Variants in TRABD2B observed in about 807,000 individuals in gnomAD.
The protein encoded by TRABD2B is metalloprotease TIKI2.
Under a neutral mutation model 40.1 loss-of-function variants are expected in TRABD2B, and 14 were observed. The ratio of observed to expected loss-of-function variants is 0.35; its 90% CI spans 0.23 to 0.55. The LOEUF is 0.55. Among genes scored for constraint, TRABD2B ranks in the 20% least tolerant of loss-of-function variants. The probability of loss-of-function intolerance (pLI) is 0.90; values close to 1 mark genes in which losing one functional copy is unlikely to be tolerated. For missense variants in TRABD2B, 541 were observed against 648.6 expected (o/e 0.83, Z 1.80); for synonymous variants, 263 against 277.0 (o/e 0.95, Z 0.50).
chr1:47,894,990 A>T lies in TRABD2B; in HGVS notation c.667-93371T>A, dbSNP rs181760719. 6.5e-4 allele frequency among the ~76,000 whole-genome samples: 99 copies of T among 151,894 alleles called. 1 individual carries two copies. Among genetic ancestry groups the T allele is most frequent in the Admixed American group, 2.1e-3 (32 of 15,270 alleles). ...GGAGCCTCCTGCCTCCTCCTCCACCACCCCAGTCCTGGCTCAGCTTCCTGC... is the reference window on the plus strand; with the variant it reads ...GGAGCCTCCTGCCTCCTCCTCCACCTCCCCAGTCCTGGCTCAGCTTCCTGC... On this transcript the variant is annotated intron_variant, in intron 2 of 6. Coordinates refer to ENST00000606738, the MANE Select transcript of TRABD2B (RefSeq NM_001194986.2).
At chr1:47,831,604 C>T (rs1645250900) in intron 2 of TRABD2B, among the ~76,000 whole-genome samples, 1 of 152,272 alleles carries the variant, frequency 6.6e-6, no homozygotes, top group Middle Eastern at 3.4e-3. Context: ...TCCCCCCTCT[C>T]TTTATAAAGA....
intron 2 of TRABD2B, among the ~76,000 whole-genome samples, chr1:47,869,540 C>T (rs959446811): frequency 6.6e-6 from 1 of 152,186 alleles, no homozygotes; most frequent in African/African-American, 2.4e-5. Context: ...TATCTGCAGT[C>T]TCCCAGGTTC....
chr1:47,902,472 A>C (rs1644614426), intron 2 of TRABD2B, among the ~76,000 whole-genome samples: 1 of 152,140 alleles, frequency 6.6e-6, no homozygotes, highest in African/African-American at 2.4e-5. Context: ...TAAGGCCAGC[A>C]CTGGGCAACT....
intron 4 of TRABD2B, among the ~76,000 whole-genome samples, chr1:47,787,533 A>G (rs1644612658): frequency 6.6e-6 from 1 of 152,070 alleles, no homozygotes. Context: ...GCTCCTGCTT[A>G]GCACTAAACT....
chr1:47,835,108 C>G (rs1156384929), intron 2 of TRABD2B, among the ~76,000 whole-genome samples: 1 of 151,966 alleles, frequency 6.6e-6, no homozygotes, highest in East Asian at 1.9e-4. Flanking sequence ...AAAGAAAGAA[C>G]CAAATAAACA....
chr1:47,962,148 G>A (rs559339221), intron 2 of TRABD2B, among the ~76,000 whole-genome samples: 1 of 151,720 alleles, frequency 6.6e-6, no homozygotes, highest in African/African-American at 2.4e-5. Context: ...TCACTCATAG[G>A]TGGGAATTGA....
intron 2 of TRABD2B, among the ~76,000 whole-genome samples, chr1:47,928,630 C>T (rs1285615956): frequency 6.6e-6 from 1 of 152,250 alleles, no homozygotes; most frequent in Non-Finnish European, 1.5e-5. Context: ...TCTAGACTGA[C>T]TTATCCTTTA....
chr1:47,846,857 TACACACACACACACACAC>T (rs67359073), intron 2 of TRABD2B, among the ~76,000 whole-genome samples: 3 of 106,394 alleles, frequency 2.8e-5, no homozygotes, highest in African/African-American at 6.4e-5. Context: ...AAAACATGCA[TACACACACACACACACAC>T]ACACACACAC....
In TRABD2B at chr1:47,766,203, C is replaced by T. The variant is rs1644300681; in HGVS notation, c.1350-97G>A. The T allele has an allele frequency of 4.5e-6, 3 of 663,472 alleles. No individual in the cohort carries two copies. In the East Asian group the frequency reaches 8.1e-5, roughly 18 times the overall value. 41.1% of individuals were successfully genotyped at this position (663,472 alleles called of 1,614,324 possible). ...ATCTGATTTTTTCAGGTCTATTTTGCCTAATACAATGGAGAAGGGAACAAG... is the reference window on the plus strand; with the variant it reads ...ATCTGATTTTTTCAGGTCTATTTTGTCTAATACAATGGAGAAGGGAACAAG... On this transcript the variant is annotated intron_variant, in intron 6 of 6. Transcript: ENST00000606738.
chr1:47,861,538 G>A (rs1392071896), intron 2 of TRABD2B, among the ~76,000 whole-genome samples: 7 of 152,130 alleles, frequency 4.6e-5, no homozygotes, highest in Admixed American at 2.6e-4. Flanking sequence ...CTCCTTGAAA[G>A]ACCCACAATC....
chr1:47,843,691 A>G (rs1264949597), intron 2 of TRABD2B, among the ~76,000 whole-genome samples: 4 of 152,186 alleles, frequency 2.6e-5, no homozygotes, highest in Non-Finnish European at 5.9e-5. Context: ...AACACTGTGA[A>G]GGAGTGGCCA....
At chr1:47,849,414 C>T (rs553155333) in intron 2 of TRABD2B, among the ~76,000 whole-genome samples, 1 of 152,320 alleles carries the variant, frequency 6.6e-6, no homozygotes, top group East Asian at 1.9e-4. Flanking sequence ...TGGACTGTGC[C>T]TCCAGGACTG....
chr1:47,853,271 C>T (rs564094088), intron 2 of TRABD2B, among the ~76,000 whole-genome samples: 26 of 152,336 alleles, frequency 1.7e-4, no homozygotes, highest in Admixed American at 3.3e-4. Context: ...AACCCACCAA[C>T]GCACCCCGGC....
intron 2 of TRABD2B, among the ~76,000 whole-genome samples, chr1:47,886,809 G>A (rs909346407): frequency 5.3e-5 from 8 of 152,200 alleles, no homozygotes; most frequent in South Asian, 4.1e-4. Flanking sequence ...TTTTCAAACA[G>A]TTTTTCTCTT....
chr1:47,876,319 G>A (rs987126375), intron 2 of TRABD2B, among the ~76,000 whole-genome samples: 3 of 152,150 alleles, frequency 2.0e-5, no homozygotes, highest in Non-Finnish European at 4.4e-5. Flanking sequence ...GTGTGATGTC[G>A]TCATTGCCCT....
intron 2 of TRABD2B, among the ~76,000 whole-genome samples, chr1:47,843,001 G>A (rs1435448306): frequency 1.3e-5 from 2 of 152,104 alleles, no homozygotes; most frequent in Non-Finnish European, 2.9e-5. Flanking sequence ...TTAGACAGAG[G>A]TAGTGTCATG....
Position 47,775,431 on chromosome 1 carries a change from G to C in TRABD2B, c.1088C>G (p.Pro363Arg). ...CTCAGGAGAGGGCGCTGGGCTCTGG[G>C]GGGCAGGGCTGGAAAGAGGTAATGG... is the stretch of plus-strand genomic sequence containing the variant. ...PAGQAIHSPA[P>R]QSPAPSPEGT... Residue 363 changes from proline (P) to arginine (R), a missense_variant, in exon 6 of 7, where the codon CCC becomes CGC. By Grantham distance (103) the Pro-to-Arg change is moderately radical. Transcript: ENST00000606738. The C allele has an allele frequency of 8.1e-7, 1 of 1,234,936 alleles. No individual in the cohort carries two copies. Among genetic ancestry groups the C allele is most frequent in the Non-Finnish European group, 1.0e-6 (1 of 988,548 alleles). The allele number at this position is 1,234,936 out of a possible 1,614,324, so 76.5% of individuals were successfully genotyped here. A position where few individuals can be genotyped will look rare whatever the true frequency, so the allele number is the denominator to read the frequency against.
chr1:47,821,611 C>T (rs1645111782), intron 2 of TRABD2B, among the ~76,000 whole-genome samples: 1 of 152,236 alleles, frequency 6.6e-6, no homozygotes, highest in Non-Finnish European at 1.5e-5. Context: ...CAGCCTGCCA[C>T]ATCCTTGGAC....
chr1:47,775,268 C>G lies in TRABD2B; in HGVS notation c.1251G>C (p.Gln417His). The G allele has an allele frequency of 8.0e-7, 1 of 1,255,838 alleles. No homozygotes were observed. The highest frequency in any genetic ancestry group is 1.0e-6 in the Non-Finnish European group (1 of 997,858). 77.8% of individuals were successfully genotyped at this position (1,255,838 alleles called of 1,614,324 possible). The stretch of plus-strand genomic sequence containing the variant: ...TCCTCTGCCGGCCAAACTCCTCCAG[C>G]TGGCTGAGGCTGTCGGGGAGCAGGA... ...PHLLLPDSLS[Q>H]LEEFGRQRKW... Residue 417 changes from glutamine to histidine, a missense_variant, in exon 6 of 7, where the codon CAG becomes CAC. Physicochemically the swap from Gln to His is conservative, Grantham distance 24. This residue lies in a region of TRABD2B where 172 missense variants were observed against 155.8 expected (regional missense o/e 1.10). Transcript: ENST00000606738.
Sources: gnomAD v4.1 joint callset for allele counts (sites outside exome capture counted in the v4.1 genomes callset) on GRCh38, gnomAD v4.1.1 for gene constraint, gnomAD v4.1.1 regional missense constraint, MANE v1.5 for transcripts, NCBI Gene and HGNC (gene_info 2026-07-23, HGNC 2026-07-21) for gene names.